EYA3: variants seen among roughly 807,000 people sequenced by gnomAD.
The protein encoded by EYA3 is protein phosphatase EYA3.
Under a neutral mutation model 80.0 loss-of-function variants are expected in EYA3, and 39 were observed. The ratio of observed to expected loss-of-function variants is 0.49; its 90% CI spans 0.38 to 0.64. The LOEUF is 0.64. Among genes scored for constraint, EYA3 ranks in the 30% least tolerant of loss-of-function variants. The pLI, the probability that EYA3 is intolerant of heterozygous loss-of-function variation, is 0.00. For synonymous variants in EYA3, 206 were observed against 232.8 expected, an observed-to-expected ratio of 0.88 and a Z score of 1.05; for missense variants, 523 against 676.1, an observed-to-expected ratio of 0.77 and a Z score of 2.51.
chr1:28,013,347 C>A lies in EYA3; in HGVS notation c.586-53G>T. On this transcript the variant is annotated intron_variant, in intron 8 of 17. Coordinates refer to ENST00000373871, the MANE Select transcript of EYA3 (RefSeq NM_001990.4). The surrounding 1 kb of genome is among the most constrained non-coding windows in gnomAD (Gnocchi z 4.0). ...AGACTCTTATAGCATACATTAATCT[C>A]AACACAAGAGGCTTTCTTCTCCCTC... 7.3e-7 allele frequency: 1 copy of A among 1,376,064 alleles called. No individual in the cohort carries two copies. Among genetic ancestry groups the A allele is most frequent in the Non-Finnish European group, 9.7e-7 (1 of 1,031,452 alleles). The allele number at this position is 1,376,064 out of a possible 1,614,324, so 85.2% of individuals were successfully genotyped here. A position where few individuals can be genotyped will look rare whatever the true frequency, so the allele number is the denominator to read the frequency against.
intron 1 of EYA3, among the ~76,000 whole-genome samples, chr1:28,069,626 AGAAG>A (rs1461190943): frequency 6.8e-6 from 1 of 146,160 alleles, no homozygotes; most frequent in African/African-American, 2.5e-5. Context: ...AGGGAAGAGG[AGAAG>A]GAAGGAAGGG....
In EYA3 at chr1:27,972,754, G is replaced by C. The variant is rs1638779369; in HGVS notation, c.*1712C>G. ...TGAGTAGATGCCCAAATTGCTCTTGGAGGGATGGGGCATCCAACAATCATG... is the reference window on the plus strand; with the variant it reads ...TGAGTAGATGCCCAAATTGCTCTTGCAGGGATGGGGCATCCAACAATCATG... On this transcript the variant is annotated 3_prime_UTR_variant, in exon 18 of 18. Coordinates refer to ENST00000373871, the MANE Select transcript of EYA3 (RefSeq NM_001990.4). 1.3e-5 allele frequency: 2 copies of C among 152,306 alleles called. No individual in the cohort carries two copies. The highest frequency in any genetic ancestry group is 1.3e-4 in the Admixed American group (2 of 15,286). 9.4% of individuals were successfully genotyped at this position (152,306 alleles called of 1,614,324 possible). A position where few individuals can be genotyped will look rare whatever the true frequency, so the allele number is the denominator to read the frequency against.
intron 1 of EYA3, among the ~76,000 whole-genome samples, chr1:28,072,092 C>T (rs1312290209): frequency 6.6e-6 from 1 of 152,000 alleles, no homozygotes; most frequent in African/African-American, 2.4e-5. Context: ...TGATGACACA[C>T]AAATTGAATT....
chr1:27,998,503 C>T (rs138355975), intron 12 of EYA3, among the ~76,000 whole-genome samples: 15 of 152,262 alleles, frequency 9.9e-5, no homozygotes, highest in African/African-American at 3.4e-4. Flanking sequence ...GACAAAAGTA[C>T]TGGAGCTCGG....
chr1:28,080,748 C>T (rs1405242816), intron 1 of EYA3, among the ~76,000 whole-genome samples: 4 of 151,710 alleles, frequency 2.6e-5, no homozygotes, highest in Non-Finnish European at 2.9e-5. Context: ...TGATGGTTCT[C>T]TTTTTTGTTT....
At chr1:28,034,798 T>C (rs1643355210) in intron 6 of EYA3, among the ~76,000 whole-genome samples, 1 of 152,166 alleles carries the variant, frequency 6.6e-6, no homozygotes, top group Non-Finnish European at 1.5e-5. Flanking sequence ...AGAAATATAA[T>C]TTTGTTACAT....
In EYA3 at chr1:28,088,578, T is replaced by C. The variant is rs115264371; in HGVS notation, c.-123A>G. ...CATGGAGATCAGTCCAGACCCACAGTAGAACCAATCGAGCGGAGGAAACCG... is the reference window on the plus strand; with the variant it reads ...CATGGAGATCAGTCCAGACCCACAGCAGAACCAATCGAGCGGAGGAAACCG... On this transcript the variant is annotated 5_prime_UTR_variant, in exon 1 of 18. Coordinates refer to ENST00000373871, the MANE Select transcript of EYA3 (RefSeq NM_001990.4). The C allele has an allele frequency of 0.021, 3,240 of 152,906 alleles. 51 individuals are homozygous for C. The highest frequency in any genetic ancestry group is 0.032 in the Non-Finnish European group (2,184 of 68,184). 9.5% of individuals were successfully genotyped at this position (152,906 alleles called of 1,614,324 possible). A position where few individuals can be genotyped will look rare whatever the true frequency, so the allele number is the denominator to read the frequency against.
At chr1:27,980,106 C>T (rs991877454) in intron 16 of EYA3, among the ~76,000 whole-genome samples, 31 of 152,130 alleles carry the variant, frequency 2.0e-4, no homozygotes, top group African/African-American at 7.2e-4. Flanking sequence ...AATTGTCATG[C>T]CTTACATTCA....
chr1:28,081,263 TGA>T (rs1019182904), intron 1 of EYA3, among the ~76,000 whole-genome samples: 3 of 152,190 alleles, frequency 2.0e-5, no homozygotes, highest in African/African-American at 4.8e-5. Context: ...CCACTAAATA[TGA>T]GAGATGGCCT....
chr1:28,066,653 T>C (rs2148919124), intron 1 of EYA3, among the ~76,000 whole-genome samples: 1 of 152,132 alleles, frequency 6.6e-6, no homozygotes, highest in East Asian at 1.9e-4. Flanking sequence ...TTATGGTCAA[T>C]TCAAAGAAAG....
At chr1:27,991,742 A>G (rs1287072188) in intron 14 of EYA3, among the ~76,000 whole-genome samples, 4 of 151,460 alleles carry the variant, frequency 2.6e-5, no homozygotes, top group South Asian at 2.1e-4. Flanking sequence ...TGGCGCTTTC[A>G]TCAATTCATA....
chr1:27,996,062 G>A lies in EYA3; in HGVS notation c.1142+1258C>T, dbSNP rs566909145. On this transcript the variant is annotated intron_variant, in intron 13 of 17. Coordinates refer to ENST00000373871, the MANE Select transcript of EYA3 (RefSeq NM_001990.4). ...TAATTTTTGTATTTTTAGTAGAGAC[G>A]GGGTTTCGCCATGTTAGCCAGGCTA... Among the ~76,000 whole-genome samples, 28 of 152,156 alleles carry A rather than the reference G, an allele frequency of 1.8e-4. No individual in the cohort carries two copies. The South Asian group carries it at 4.6e-3, about 25-fold the overall frequency.
At position 27,974,523 on chromosome 1, in the gene EYA3, G is replaced by A; in HGVS notation, c.1665C>T (p.Ile555=). The change falls in exon 18 of 18, where the codon ATC becomes ATT. Residue 555 remains isoleucine, a synonymous_variant. Coordinates refer to ENST00000373871, the MANE Select transcript of EYA3 (RefSeq NM_001990.4). ...AKQHNMPFWR[I]TNHGDLVSLH... Reference sequence around the variant, plus strand: ...GGGATACTAGGTCTCCATGGTTTGTGATCCTCCAGAAAGGCATGTTGTGCT... The same window carrying A: ...GGGATACTAGGTCTCCATGGTTTGTAATCCTCCAGAAAGGCATGTTGTGCT... 1 of 1,612,804 alleles carries A rather than the reference G, an allele frequency of 6.2e-7. No individual in the cohort carries two copies. The highest frequency in any genetic ancestry group is 8.5e-7 in the Non-Finnish European group (1 of 1,178,980).
intron 1 of EYA3, among the ~76,000 whole-genome samples, chr1:28,074,744 G>GT (rs1410547013): frequency 6.6e-6 from 1 of 152,000 alleles, no homozygotes; most frequent in South Asian, 2.1e-4. Context: ...TACTTAAGTG[G>GT]TTTTTTGCAT....
At position 27,993,386 on chromosome 1, in the gene EYA3, T is replaced by C; in HGVS notation, c.1303+14A>G. ...AAGAAACAGAGAATCAGACTGGTTA[T>C]ATGCCACACTTACCACCCACGTTGC... On this transcript the variant is annotated intron_variant, in intron 14 of 17. Transcript: ENST00000373871. The C allele has an allele frequency of 1.2e-6, 2 of 1,611,504 alleles. No homozygotes were observed. Among genetic ancestry groups the C allele is most frequent in the Non-Finnish European group, 1.7e-6 (2 of 1,179,114 alleles).
chr1:28,040,386 A>G (rs1225782151), intron 4 of EYA3, among the ~76,000 whole-genome samples: 6 of 152,208 alleles, frequency 3.9e-5, no homozygotes, highest in Non-Finnish European at 7.3e-5. Context: ...GATCTTAGGT[A>G]TGATTTTCCT....
chr1:27,977,214 G>C, intron 17 of EYA3: 2 of 1,504,288 alleles, frequency 1.3e-6, no homozygotes, highest in East Asian at 5.0e-5. Context: ...AAAAAATAAG[G>C]ATCCCTGAAT....
chr1:28,069,563 A>AG (rs1036784070), intron 1 of EYA3, among the ~76,000 whole-genome samples: 3 of 150,312 alleles, frequency 2.0e-5, no homozygotes, highest in African/African-American at 4.9e-5. Context: ...AAAAAAAAAA[A>AG]AGAGAGAGAA....
At chr1:28,024,454 C>T (rs1324702565) in intron 7 of EYA3, among the ~76,000 whole-genome samples, 1 of 151,562 alleles carries the variant, frequency 6.6e-6, no homozygotes, top group African/African-American at 2.4e-5. Flanking sequence ...GTCAGGAATT[C>T]GAGACCAGAC....
Sources: allele counts gnomAD v4.1 joint callset (sites outside exome capture counted in the v4.1 genomes callset), GRCh38; gene constraint gnomAD v4.1.1; non-coding constraint Gnocchi (gnomAD v3.1); transcripts MANE v1.5; gene names NCBI Gene and HGNC (gene_info 2026-07-23, HGNC 2026-07-21).